Variants in FGFR3 observed in about 807,000 individuals in gnomAD.
The protein encoded by FGFR3 is FGFR-3.
FGFR3 carries 25 observed loss-of-function variants against 82.9 expected under a neutral mutation model. The observed-to-expected ratio is 0.30, with a 90% CI of 0.22 to 0.42. FGFR3 has a LOEUF of 0.42. FGFR3 is among the 10% of genes least tolerant of loss of function. The pLI is 1.00. For synonymous variants in FGFR3, 620 were observed against 516.0 expected (o/e 1.20, Z -2.73); for missense variants, 1,026 against 1,161.0 (o/e 0.88, Z 1.69).
intron 4 of FGFR3, among the ~76,000 whole-genome samples, chr4:1,800,658 C>T (rs942965737): frequency 6.6e-6 from 1 of 152,012 alleles, no homozygotes; most frequent in Non-Finnish European, 1.5e-5. Context: ...CCCTGATGGG[C>T]GTGTGCCTGG....
At position 1,804,526 on chromosome 4, in the gene FGFR3, A is replaced by G; in HGVS notation, c.1266+6A>G. 5.6e-6 allele frequency: 9 copies of G among 1,611,828 alleles called. No individual in the cohort carries two copies. The highest frequency in any genetic ancestry group is 7.6e-6 in the Non-Finnish European group (9 of 1,179,870). ...GCTTCCCGCTCAAGCGACAGGTAAC[A>G]GAAAGTAGATACCAGGTTCTGAGCT... On this transcript the variant is annotated splice_donor_region_variant and intron_variant, in intron 9 of 17. Transcript: ENST00000440486.
rs1021016673 is a variant in FGFR3 at position 1,801,579 on chromosome 4, T to G, written c.616-41T>G. 3 of 1,582,462 alleles carry G rather than the reference T, an allele frequency of 1.9e-6. No homozygotes were observed. In the African/African-American group the frequency reaches 4.0e-5, roughly 21 times the overall value. On this transcript the variant is annotated intron_variant, in intron 5 of 17. Coordinates refer to ENST00000440486, the MANE Select transcript of FGFR3 (RefSeq NM_000142.5). ...GCTCTGGGCCTGGCAGGCGCGGTGG[T>G]TGCTGCCTCCGCTCACTCACCCGCC...
chr4:1,794,728 G>C (rs1035440838), intron 2 of FGFR3, among the ~76,000 whole-genome samples: 3 of 152,146 alleles, frequency 2.0e-5, no homozygotes, highest in African/African-American at 7.2e-5. Context: ...GGAGGGGAAG[G>C]GGCGCCCGGC....
At position 1,806,162 on chromosome 4, in the gene FGFR3, A is replaced by C. The variant is rs78311289; in HGVS notation, c.1948A>C (p.Lys650Gln). Residue 650 changes from lysine to glutamine, a missense_variant, in exon 14 of 18, where the codon AAG (lysine) becomes CAG (glutamine). Lys to Gln is a moderately conservative substitution (Grantham distance 53, BLOSUM62 1). Around this residue, in one of 9 missense-constraint regions of FGFR3, gnomAD observed 45 missense variants for 80.8 expected, o/e 0.56. Transcript: ENST00000440486. ...CGTGCACAACCTCGACTACTACAAGAAGACGACCAACGTGAGCCCGGCCCT... is the reference window on the plus strand; with the variant it reads ...CGTGCACAACCTCGACTACTACAAGCAGACGACCAACGTGAGCCCGGCCCT... Reference protein sequence around the residue: ...RDVHNLDYYKKTTNGRLPVKW... With the variant: ...RDVHNLDYYKQTTNGRLPVKW... The C allele has an allele frequency of 1.2e-6, 2 of 1,613,024 alleles. No homozygotes were observed. The highest frequency in any genetic ancestry group is 1.3e-5 in the African/African-American group (1 of 75,042).
At chr4:1,803,863 T>C (rs2108794070) in intron 8 of FGFR3, 27 bp downstream of exon 8, 8 of 1,606,332 alleles carry the variant, frequency 5.0e-6, no homozygotes, top group Non-Finnish European at 6.8e-6. Flanking sequence ...CTGCTGCTGC[T>C]CCGCACTGTC....
At chr4:1,795,096 C>T (rs1339883845) in intron 2 of FGFR3, among the ~76,000 whole-genome samples, 1 of 151,524 alleles carries the variant, frequency 6.6e-6, no homozygotes, top group Non-Finnish European at 1.5e-5. Flanking sequence ...TCGGCGGCTG[C>T]AGCCTCCCGG....
At chr4:1,804,739 C>G (rs977014027) in intron 9 of FGFR3, 85 bp from the exon 10 acceptor site, 27 of 1,516,736 alleles carry the variant, frequency 1.8e-5, no homozygotes, top group East Asian at 2.5e-5. Flanking sequence ...GAACGCCCCC[C>G]CTTCTGGCCC....
At position 1,804,855 on chromosome 4, in the gene FGFR3, C is replaced by G. The variant is rs997891391; in HGVS notation, c.1298C>G (p.Ser433Cys). Residue 433 changes from serine (S) to cysteine (C), a missense_variant, in exon 10 of 18, where the codon TCC (serine) becomes TGC (cysteine). Ser to Cys is a moderately radical substitution (Grantham distance 112, BLOSUM62 -1). Around this residue, in one of 9 missense-constraint regions of FGFR3, gnomAD observed 256 missense variants for 217.6 expected, o/e 1.18. Transcript: ENST00000440486. The stretch of plus-strand genomic sequence containing the variant: ...CTGGAGTCCAACGCGTCCATGAGCT[C>G]CAACACACCACTGGTGCGCATCGCA... ...VSLESNASMS[S>C]NTPLVRIARL... The G allele has an allele frequency of 6.5e-7, 1 of 1,550,074 alleles. No homozygotes were observed. The highest frequency in any genetic ancestry group is 8.7e-7 in the Non-Finnish European group (1 of 1,146,944).
chr4:1,799,924 G>A, intron 4 of FGFR3, 112 bp downstream of exon 4: 1 of 1,236,900 alleles, frequency 8.1e-7, no homozygotes, highest in Non-Finnish European at 1.1e-6. Context: ...ACCTCCCTGG[G>A]GTCACCCCGA....
intron 7 of FGFR3, 80 bp downstream of exon 7, chr4:1,802,105 G>C: frequency 6.8e-7 from 1 of 1,475,776 alleles, no homozygotes; most frequent in Admixed American, 2.0e-5. Flanking sequence ...TGCGGGTTGC[G>C]TGAGGATTTG....
Position 1,806,539 on chromosome 4 carries a change from C to T in FGFR3, c.2031-7C>T, listed in dbSNP as rs781064567. The T allele has an allele frequency of 6.2e-7, 1 of 1,612,976 alleles. No individual in the cohort carries two copies. Among genetic ancestry groups the T allele is most frequent in the Admixed American group, 1.7e-5 (1 of 60,020 alleles). On this transcript the variant is annotated splice_polypyrimidine_tract_variant and splice_region_variant and intron_variant, in intron 15 of 17. Coordinates refer to ENST00000440486, the MANE Select transcript of FGFR3 (RefSeq NM_000142.5). Reference sequence around the variant, plus strand: ...TCAGGACAGCCTGACCTCACCTTCCCCTGCAGCTGGTCCTTTGGGGTCCTG... The same window carrying T: ...TCAGGACAGCCTGACCTCACCTTCCTCTGCAGCTGGTCCTTTGGGGTCCTG...
chr4:1,804,365 A>G lies in FGFR3; in HGVS notation c.1111A>G (p.Ser371Gly). ...EELVEADEAGSVYAGILSYGV... is the reference protein window; with the variant it reads ...EELVEADEAGGVYAGILSYGV... Reference sequence around the variant, plus strand: ...GCTGGTGGAGGCTGACGAGGCGGGCAGTGTGTATGCAGGCATCCTCAGCTA... The same window carrying G: ...GCTGGTGGAGGCTGACGAGGCGGGCGGTGTGTATGCAGGCATCCTCAGCTA... Residue 371 changes from serine to glycine, a missense_variant, in exon 9 of 18, where the codon AGT (serine) becomes GGT (glycine). Ser to Gly is a moderately conservative substitution (Grantham distance 56, BLOSUM62 0). Coordinates refer to ENST00000440486, the MANE Select transcript of FGFR3 (RefSeq NM_000142.5). 6.2e-7 allele frequency: 1 copy of G among 1,612,124 alleles called. No individual in the cohort carries two copies. Among genetic ancestry groups the G allele is most frequent in the Non-Finnish European group, 8.5e-7 (1 of 1,179,284 alleles).
At chr4:1,803,891 G>T in intron 8 of FGFR3, 55 bp downstream of exon 8, 20 of 1,574,686 alleles carry the variant, frequency 1.3e-5, no homozygotes, top group Non-Finnish European at 1.7e-5. Context: ...CGCTGGCTCG[G>T]GACACGCCAA....
Position 1,807,327 on chromosome 4 carries a change from C to G in FGFR3, c.*65C>G, listed in dbSNP as rs765546868. ...GCCCACCCTGCTGCTGGTGCACAGC[C>G]ACTCCCCGGCATGAGACTCAGTGCA... is the stretch of plus-strand genomic sequence containing the variant. On this transcript the variant is annotated 3_prime_UTR_variant, in exon 18 of 18. Transcript: ENST00000440486. 19 of 1,539,120 alleles carry G rather than the reference C, an allele frequency of 1.2e-5. No homozygotes were observed. Among genetic ancestry groups the G allele is most frequent in the Non-Finnish European group, 1.7e-5 (19 of 1,145,478 alleles).
chr4:1,806,077 C>A lies in FGFR3; in HGVS notation c.1863C>A (p.Arg621=). ...QKCIHRDLAA[R]NVLVTEDNVM... Reference sequence around the variant, plus strand: ...GCATCCACAGGGACCTGGCTGCCCGCAATGTGCTGGTGACCGAGGACAACG... The same window carrying A: ...GCATCCACAGGGACCTGGCTGCCCGAAATGTGCTGGTGACCGAGGACAACG... Residue 621 remains arginine (R), a synonymous_variant, in exon 14 of 18, where the codon CGC becomes CGA. Coordinates refer to ENST00000440486, the MANE Select transcript of FGFR3 (RefSeq NM_000142.5). 6.2e-7 allele frequency: 1 copy of A among 1,613,636 alleles called. No individual in the cohort carries two copies. The highest frequency in any genetic ancestry group is 1.3e-5 in the African/African-American group (1 of 75,050).
At position 1,806,410 on chromosome 4, in the gene FGFR3, T is replaced by C. The variant is rs1456552921; in HGVS notation, c.2030+83T>C. The C allele has an allele frequency of 8.1e-6, 13 of 1,597,520 alleles. No individual in the cohort carries two copies. In the Admixed American group the frequency reaches 2.2e-4, roughly 27 times the overall value. On this transcript the variant is annotated intron_variant, in intron 15 of 17. Transcript: ENST00000440486. ...GGACCCCAGCTGCAGTCCCCAGGCCTGTGCCCTGGAGCTCCTGGGTGTGGT... is the reference window on the plus strand; with the variant it reads ...GGACCCCAGCTGCAGTCCCCAGGCCCGTGCCCTGGAGCTCCTGGGTGTGGT...
Position 1,804,861 on chromosome 4 carries a change from C to T in FGFR3, c.1304C>T (p.Thr435Ile), listed in dbSNP as rs1279276931. Residue 435 changes from threonine to isoleucine, a missense_variant, in exon 10 of 18, where the codon ACA becomes ATA. This residue lies in a region of FGFR3 where 256 missense variants were observed against 217.6 expected (regional missense o/e 1.18). Coordinates refer to ENST00000440486, the MANE Select transcript of FGFR3 (RefSeq NM_000142.5). ...LESNASMSSN[T>I]PLVRIARLSS... ...TCCAACGCGTCCATGAGCTCCAACA[C>T]ACCACTGGTGCGCATCGCAAGGCTG... 18 of 1,550,040 alleles carry T rather than the reference C, an allele frequency of 1.2e-5. No homozygotes were observed. Among genetic ancestry groups the T allele is most frequent in the African/African-American group, 4.1e-5 (3 of 73,024 alleles).
At chr4:1,803,608 C>G (rs765367268) in intron 7 of FGFR3, 84 bp from the exon 8 acceptor site, 2 of 1,550,982 alleles carry the variant, frequency 1.3e-6, no homozygotes, top group Admixed American at 1.9e-5. Flanking sequence ...TTCCTTGCAG[C>G]GGCTGGATCC....
At chr4:1,798,750 C>T (rs1034165526) in intron 2 of FGFR3, among the ~76,000 whole-genome samples, 2 of 152,134 alleles carry the variant, frequency 1.3e-5, no homozygotes, top group East Asian at 1.9e-4. Context: ...ATCTGCACCA[C>T]GAGGGGGCTG....
Sources: gnomAD v4.1 joint callset for allele counts (sites outside exome capture counted in the v4.1 genomes callset) on GRCh38, gnomAD v4.1.1 for gene constraint, gnomAD v4.1.1 regional missense constraint, MANE v1.5 for transcripts, NCBI Gene and HGNC (gene_info 2026-07-23, HGNC 2026-07-21) for gene names.